The following HEATR4 variants were observed in gnomAD, a reference collection of about 807,000 sequenced individuals.
HEATR4 encodes the protein HEAT repeat-containing protein 4.
HEATR4 carries 95 observed loss-of-function variants against 108.8 expected under a neutral mutation model. The observed-to-expected ratio is 0.87, with a 90% confidence interval of 0.74 to 1.04. The LOEUF (loss-of-function observed/expected upper bound fraction) is 1.04. Ranked by LOEUF, HEATR4 falls within the 50% of genes least tolerant of loss-of-function variation. HEATR4 has a pLI of 0.00. For synonymous variants in HEATR4, 443 were observed against 459.4 expected, an observed-to-expected ratio of 0.96 and a Z score of 0.46; for missense variants, 1,152 against 1,253.8, an observed-to-expected ratio of 0.92 and a Z score of 1.23.
chr14:73,555,001 C>T (rs565902146), intron 1 of HEATR4, among the ~76,000 whole-genome samples: 1 of 111,250 alleles, frequency 9.0e-6, no homozygotes, highest in African/African-American at 2.9e-5. Context: ...ATTATGAAAC[C>T]CCATTTATGA....
At chr14:73,576,793 C>CAAAAAAAAAAAAAAAAAAAAAAAAAAAAA in the HEATR4 span, among the ~76,000 whole-genome samples, 3 of 12,096 alleles carry the variant, frequency 2.5e-4, 1 homozygote, top group Admixed American at 1.5e-3. Flanking sequence ...GACACAGTCT[C>CAAAAAAAAAAAAAAAAAAAAAAAAAAAAA]AAAAAAAAAA....
At chr14:73,493,257 G>A in intron 16 of HEATR4, 133 bp from the exon 17 acceptor site, 3 of 699,272 alleles carry the variant, frequency 4.3e-6, no homozygotes, top group Non-Finnish European at 7.3e-6. Context: ...TTCTGCTTGA[G>A]ACAGATATTA....
rs1439298343 is a variant in HEATR4, at chr14:73,558,791, G to A, written c.-192C>T. 4 of 150,924 alleles carry A rather than the reference G, an allele frequency of 2.7e-5. No individual in the cohort carries two copies. The highest frequency in any genetic ancestry group is 9.8e-5 in the African/African-American group (4 of 40,968). 9.3% of individuals were successfully genotyped at this position (150,924 alleles called of 1,614,324 possible). A position where few individuals can be genotyped will look rare whatever the true frequency, so the allele number is the denominator to read the frequency against. On this transcript the variant is annotated 5_prime_UTR_variant, in exon 1 of 18. Transcript: ENST00000553558. ...TCCAAAGTTTTTTCAGCTACCTCAG[G>A]TTGCCCCTCATCTTCCAGCTGACAC...
chr14:73,567,205 G>A, the HEATR4 span, among the ~76,000 whole-genome samples: 1 of 152,102 alleles, frequency 6.6e-6, no homozygotes, highest in African/African-American at 2.4e-5. Context: ...CAAGTAAACT[G>A]GGATTACAGG....
chr14:73,499,068 T>C lies in HEATR4; in HGVS notation c.2356+3A>G. ...AGAGTTTGGGGCACTACTTCTATAA[T>C]ACCTCGAATGGCAAAGGCCTTGATT... On this transcript the variant is annotated splice_donor_region_variant and intron_variant, in intron 13 of 17. Transcript: ENST00000553558. 1 of 1,613,546 alleles carries C rather than the reference T, an allele frequency of 6.2e-7. No homozygotes were observed. The highest frequency in any genetic ancestry group is 1.1e-5 in the South Asian group (1 of 91,074).
chr14:73,497,006 C>T (rs541628679), intron 14 of HEATR4, among the ~76,000 whole-genome samples: 1 of 152,348 alleles, frequency 6.6e-6, no homozygotes, highest in African/African-American at 2.4e-5. Flanking sequence ...AGCGATTCTC[C>T]TGCCTCAGCC....
chr14:73,512,368 C>T (rs556580386), intron 6 of HEATR4, among the ~76,000 whole-genome samples: 1 of 152,266 alleles, frequency 6.6e-6, no homozygotes, highest in Admixed American at 6.5e-5. Context: ...TTCTCCCAAC[C>T]CCATCGTATC....
chr14:73,579,348 G>A, the HEATR4 span, among the ~76,000 whole-genome samples: 348 of 147,656 alleles, frequency 2.4e-3, no homozygotes, highest in African/African-American at 8.1e-3. Flanking sequence ...AGGCCAAGGC[G>A]AGGGGATCAT....
chr14:73,587,132 T>TAA, the HEATR4 span, among the ~76,000 whole-genome samples: 9 of 84,438 alleles, frequency 1.1e-4, no homozygotes, highest in African/African-American at 5.5e-4. Context: ...CTGCCTGGTG[T>TAA]AAAAAAAAAC....
the HEATR4 span, chr14:73,617,274 C>G: frequency 6.4e-7 from 1 of 1,566,072 alleles, no homozygotes; most frequent in Non-Finnish European, 8.8e-7. Context: ...TGCCAGAACA[C>G]TGAGAACTAG....
At chr14:73,578,728 C>T in the HEATR4 span, among the ~76,000 whole-genome samples, 14 of 151,532 alleles carry the variant, frequency 9.2e-5, 1 homozygote, top group Non-Finnish European at 2.1e-4. Context: ...CCAAGGTGGG[C>T]AGATCACCTG....
At chr14:73,619,552 C>A in the HEATR4 span, 1 of 1,614,154 alleles carries the variant, frequency 6.2e-7, no homozygotes, top group South Asian at 1.1e-5. Flanking sequence ...CATGGATGAT[C>A]AAAGCTGGAA....
the HEATR4 span, chr14:73,581,813 G>A: frequency 2.4e-5 from 2 of 84,764 alleles, no homozygotes; most frequent in Admixed American, 3.2e-4. Flanking sequence ...TTTTTTTGGT[G>A]GTGGACAGTC....
At chr14:73,500,451 G>T (rs1190804759) in intron 12 of HEATR4, 99 bp downstream of exon 12, 1 of 1,284,152 alleles carries the variant, frequency 7.8e-7, no homozygotes, top group Non-Finnish European at 1.1e-6. Context: ...CTCTCATTCT[G>T]TGTCCCCACA....
At position 73,493,293 on chromosome 14, in the gene HEATR4, C is replaced by A. The variant is rs539549129; in HGVS notation, c.2786-169G>T. 2.8e-3 allele frequency: 1,634 copies of A among 589,638 alleles called. 1 individual carries two copies. Among genetic ancestry groups the A allele is most frequent in the Non-Finnish European group, 3.9e-3 (1,273 of 328,034 alleles). 36.5% of individuals were successfully genotyped at this position (589,638 alleles called of 1,614,324 possible). A position where few individuals can be genotyped will look rare whatever the true frequency, so the allele number is the denominator to read the frequency against. ...GATTTTTTTTGGAATTTGGATCTTT[C>A]ATCTGAGTTCTTTTTCATGGGCGGG... On this transcript the variant is annotated intron_variant, in intron 16 of 17. Transcript: ENST00000553558.
intron 1 of HEATR4, among the ~76,000 whole-genome samples, chr14:73,535,775 G>A (rs1595151910): frequency 1.7e-5 from 2 of 114,568 alleles, no homozygotes; most frequent in Non-Finnish European, 3.8e-5. Context: ...CACCGCGCCT[G>A]GCCCCTTTTT....
the HEATR4 span, among the ~76,000 whole-genome samples, chr14:73,566,560 C>T: frequency 3.1e-4 from 47 of 152,330 alleles, no homozygotes; most frequent in South Asian, 2.3e-3. Context: ...GCACACCCTC[C>T]GCAGCCGCTG....
chr14:73,576,027 C>T, the HEATR4 span, among the ~76,000 whole-genome samples: 1 of 151,942 alleles, frequency 6.6e-6, no homozygotes, highest in Non-Finnish European at 1.5e-5. Flanking sequence ...GTGGCAGGCA[C>T]CTGTAGTCAC....
rs1888034695 is a variant in HEATR4, at chr14:73,522,478, C to T, written c.675G>A (p.Arg225=). The change falls in exon 3 of 18, where the codon AGG becomes AGA. Residue 225 remains arginine (R), a synonymous_variant. Coordinates refer to ENST00000553558, the MANE Select transcript of HEATR4 (RefSeq NM_001220484.1). The stretch of plus-strand genomic sequence containing the variant: ...GCCACTTGTTGGGGGATGCCCCAGG[C>T]CTTCGAGGACGCTTGCTCTGGATCC... ...ARWIQSKRPR[R]PGASPNKWQS... 1.2e-6 allele frequency: 2 copies of T among 1,614,112 alleles called. No homozygotes were observed. The highest frequency in any genetic ancestry group is 1.1e-5 in the South Asian group (1 of 91,090).
Sources: gnomAD v4.1 joint callset for allele counts (sites outside exome capture counted in the v4.1 genomes callset) on GRCh38, gnomAD v4.1.1 for gene constraint, MANE v1.5 for transcripts, NCBI Gene and HGNC (gene_info 2026-07-23, HGNC 2026-07-21) for gene names.